Variants in SVIL observed in about 807,000 individuals in gnomAD.
The protein encoded by SVIL is archvillin.
In SVIL, 101 loss-of-function variants were observed where a neutral mutation model predicts 240.4. The ratio of observed to expected loss-of-function variants is 0.42; its 90% confidence interval spans 0.36 to 0.50. The LOEUF is 0.50. Ranked by LOEUF, SVIL falls within the 20% of genes least tolerant of loss-of-function variation. The pLI is 0.01. For synonymous variants in SVIL, 999 were observed against 1,100.0 expected (o/e 0.91, Z 1.82); for missense variants, 2,512 against 2,818.7 (o/e 0.89, Z 2.46).
intron 1 of SVIL, among the ~76,000 whole-genome samples, chr10:29,614,366 G>C (rs1418940119): frequency 6.6e-6 from 1 of 152,152 alleles, no homozygotes; most frequent in Admixed American, 6.5e-5. Flanking sequence ...GCACACATAT[G>C]ATTACTGCAG....
chr10:29,536,886 G>C (rs768097549), intron 6 of SVIL, among the ~76,000 whole-genome samples: 12 of 135,620 alleles, frequency 8.8e-5, no homozygotes, highest in Admixed American at 1.7e-4. Context: ...ACTCCAGCCC[G>C]GGCGATAACA....
intron 34 of SVIL, 138 bp downstream of exon 34, chr10:29,465,457 T>A: frequency 3.8e-6 from 4 of 1,060,600 alleles, no homozygotes; most frequent in Non-Finnish European, 5.3e-6. Flanking sequence ...ATGAAAAGAG[T>A]GTAAGCACAT....
chr10:29,585,640 T>C lies in SVIL; in HGVS notation c.-200-16328A>G, dbSNP rs561288604. Among the ~76,000 whole-genome samples the C allele has an allele frequency of 2.0e-5, 3 of 151,570 alleles. 1 individual carries two copies. The highest frequency in any genetic ancestry group is 2.0e-4 in the Admixed American group (3 of 15,176). On this transcript the variant is annotated intron_variant, in intron 1 of 37. Transcript: ENST00000355867. ...TGAGCCAGCAGCATCTCAGATGTCA[T>C]CTCCCAACTGTGCTAAAAATACACA... is the stretch of plus-strand genomic sequence containing the variant.
chr10:29,540,336 G>A (rs1170649790), intron 6 of SVIL, among the ~76,000 whole-genome samples: 10 of 152,230 alleles, frequency 6.6e-5, no homozygotes, highest in South Asian at 2.1e-4. Flanking sequence ...GAGAGACTTC[G>A]TTCACATTCA....
At chr10:29,642,633 T>C (rs1459677705) in intron 3 of SVIL, among the ~76,000 whole-genome samples, 1 of 152,152 alleles carries the variant, frequency 6.6e-6, no homozygotes, top group Non-Finnish European at 1.5e-5. Context: ...ATTTAATAAA[T>C]GTTTGTGATG....
intron 2 of SVIL, among the ~76,000 whole-genome samples, chr10:29,677,233 A>G (rs1960270338): frequency 6.6e-6 from 1 of 152,120 alleles, no homozygotes; most frequent in African/African-American, 2.4e-5. Context: ...ACAAAGATGC[A>G]TTCACTTTCC....
At chr10:29,637,284 A>T (rs1790410717), upstream of SVIL, among the ~76,000 whole-genome samples, 1 of 152,174 alleles carries the variant, frequency 6.6e-6, no homozygotes, top group African/African-American at 2.4e-5. Context: ...CAGGAGTTCG[A>T]GACCAGCCTA....
intron 13 of SVIL, among the ~76,000 whole-genome samples, chr10:29,526,425 C>G (rs1032096954): frequency 2.0e-4 from 30 of 150,452 alleles, no homozygotes; most frequent in Non-Finnish European, 5.9e-5. Flanking sequence ...CTGCCTCAGT[C>G]TCCCAAGTAG....
At position 29,710,234 on chromosome 10, in the gene SVIL, C is replaced by T. The variant is rs561752008; in HGVS notation, c.-399-23583G>A. ...ATGCCCGGCTACCTTTTTAATTTTT[C>T]GTAGAGACAGGGTTTCACTATATTG... On this transcript the variant is annotated intron_variant, in intron 1 of 35. Coordinates refer to the SVIL transcript ENST00000375400. Among the ~76,000 whole-genome samples, 19 of 152,096 alleles carry T rather than the reference C, an allele frequency of 1.2e-4. No homozygotes were observed. In the East Asian group the frequency reaches 2.7e-3, roughly 22 times the overall value.
chr10:29,464,604 A>G (rs1394756075), intron 34 of SVIL, among the ~76,000 whole-genome samples: 1 of 152,098 alleles, frequency 6.6e-6, no homozygotes, highest in Non-Finnish European at 1.5e-5. Flanking sequence ...CATGCATTTC[A>G]GGATTCTGTG....
rs763326997 is a variant in SVIL, at chr10:29,533,143, C to T, written c.1224G>A (p.Thr408=). 2.2e-5 allele frequency: 35 copies of T among 1,614,032 alleles called. No individual in the cohort carries two copies. The highest frequency in any genetic ancestry group is 8.8e-5 in the South Asian group (8 of 91,084). ...TATCCCTTCCGTCACCTTCTAGAAC[C>T]GTCAAGCTGGGAGGTTTGGGGACAT... ...TQNVPKPPSL[T]VLEGDGRDSP... The change falls in exon 8 of 38, where the codon ACG becomes ACA. Residue 408 remains threonine, a synonymous_variant. Coordinates refer to ENST00000355867, the MANE Select transcript of SVIL (RefSeq NM_021738.3).
chr10:29,549,737 C>G, intron 6 of SVIL, among the ~76,000 whole-genome samples: 1 of 144,040 alleles, frequency 6.9e-6, no homozygotes, highest in East Asian at 2.0e-4. Context: ...ATGGATGAAG[C>G]TGGAAACCAT....
intron 13 of SVIL, among the ~76,000 whole-genome samples, chr10:29,526,387 C>G: frequency 6.7e-6 from 1 of 148,582 alleles, no homozygotes. Flanking sequence ...TCACTGCAAC[C>G]TCTGCCTCCC....
intron 2 of SVIL, among the ~76,000 whole-genome samples, chr10:29,678,422 C>G (rs912612617): frequency 5.3e-5 from 8 of 152,026 alleles, no homozygotes; most frequent in Non-Finnish European, 1.2e-4. Context: ...ACTGCTGATC[C>G]GACAGGAGGC....
intron 3 of SVIL, among the ~76,000 whole-genome samples, chr10:29,647,624 G>GGGGTGTATGT (rs148132418): frequency 5.3e-4 from 81 of 151,566 alleles, no homozygotes; most frequent in Non-Finnish European, 9.0e-4. Flanking sequence ...TGCAAATATA[G>GGGGTGTATGT]GTGTGTGTGT....
In SVIL at chr10:29,523,686, G is replaced by A. The variant is rs1950706901; in HGVS notation, c.2928C>T (p.Tyr976=). 1 of 1,614,120 alleles carries A rather than the reference G, an allele frequency of 6.2e-7. No individual in the cohort carries two copies. Among genetic ancestry groups the A allele is most frequent in the Non-Finnish European group, 8.5e-7 (1 of 1,180,008 alleles). The change falls in exon 15 of 38, where the codon TAC becomes TAT. Residue 976 remains tyrosine (Y), a synonymous_variant. Transcript: ENST00000355867. Reference sequence around the variant, plus strand: ...CTTCCCTGGCTCGGTTCAGGATGGGGTAGGATGCTTCTGCTTCCTCAAAGG... The same window carrying A: ...CTTCCCTGGCTCGGTTCAGGATGGGATAGGATGCTTCTGCTTCCTCAAAGG... The part of the protein sequence containing the change: ...YGSFEEAEAS[Y]PILNRAREGD...
At chr10:29,580,194 G>T (rs1270049952) in intron 1 of SVIL, among the ~76,000 whole-genome samples, 2 of 151,926 alleles carry the variant, frequency 1.3e-5, no homozygotes, top group African/African-American at 4.8e-5. Flanking sequence ...AAATTTAGCT[G>T]GGCATGGTGG....
At position 29,533,110 on chromosome 10, in the gene SVIL, A is replaced by G; in HGVS notation, c.1257T>C (p.Val419=). Residue 419 remains valine, a synonymous_variant, in exon 8 of 38, where the codon GTT becomes GTC. Coordinates refer to ENST00000355867, the MANE Select transcript of SVIL (RefSeq NM_021738.3). The stretch of plus-strand genomic sequence containing the variant: ...CTGCTTTTGACTCGCAGACATGGAG[A>G]ACTGGGCTATCCCTTCCGTCACCTT... The part of the protein sequence containing the change: ...VLEGDGRDSP[V]LHVCESKAEE... 1 of 1,613,800 alleles carries G rather than the reference A, an allele frequency of 6.2e-7. No individual in the cohort carries two copies.
At chr10:29,621,236 G>T (rs191576148) in intron 1 of SVIL, among the ~76,000 whole-genome samples, 1 of 152,324 alleles carries the variant, frequency 6.6e-6, no homozygotes, top group Admixed American at 6.5e-5. Context: ...CTTGCCTGTG[G>T]TATTCTGTAC....
Sources: allele counts gnomAD v4.1 joint callset (sites outside exome capture counted in the v4.1 genomes callset), GRCh38; gene constraint gnomAD v4.1.1; transcripts MANE v1.5; gene names NCBI Gene and HGNC (gene_info 2026-07-23, HGNC 2026-07-21).